SORCS2: variants seen among roughly 807,000 people sequenced by gnomAD.
SORCS2 encodes the protein sortilin related VPS10 domain containing receptor 2.
SORCS2 carries 100 observed loss-of-function variants against 141.6 expected under a neutral mutation model. That is an observed-to-expected ratio of 0.71 (90% CI 0.60 to 0.83). The LOEUF (loss-of-function observed/expected upper bound fraction) is 0.83, where lower values mean the gene tolerates loss of function less well. Among genes scored for constraint, SORCS2 ranks in the 40% least tolerant of loss-of-function variants. The pLI is 0.00. For synonymous variants in SORCS2, 789 were observed against 676.9 expected, an observed-to-expected ratio of 1.17 and a Z score of -2.57; for missense variants, 1,646 against 1,560.2, an observed-to-expected ratio of 1.05 and a Z score of -0.93.
intron 3 of SORCS2, among the ~76,000 whole-genome samples, chr4:7,636,738 A>C (rs993055450): frequency 1.3e-5 from 2 of 150,880 alleles, no homozygotes; most frequent in Admixed American, 6.6e-5. Flanking sequence ...CTCCCTAGAG[A>C]CCTCCCAGCC....
intron 2 of SORCS2, among the ~76,000 whole-genome samples, chr4:7,401,462 G>T (rs1447757499): frequency 1.3e-5 from 2 of 152,154 alleles, no homozygotes; most frequent in East Asian, 3.9e-4. Context: ...TCATCTTAGG[G>T]GATGCTGTGG....
chr4:7,466,292 C>T (rs1019959564), intron 2 of SORCS2, among the ~76,000 whole-genome samples: 8 of 152,142 alleles, frequency 5.3e-5, no homozygotes, highest in Admixed American at 1.3e-4. Context: ...TGCCCTCCTC[C>T]AGATCTAGGA....
intron 3 of SORCS2, among the ~76,000 whole-genome samples, chr4:7,569,585 C>T (rs956804201): frequency 8.5e-5 from 13 of 152,180 alleles, no homozygotes; most frequent in Admixed American, 7.9e-4. Context: ...GCCCATTTTA[C>T]AATAGCCTAT....
chr4:7,373,458 T>TTATATATATATATATATATATATATA (rs1553850461), intron 1 of SORCS2, among the ~76,000 whole-genome samples: 3 of 82,832 alleles, frequency 3.6e-5, no homozygotes, highest in Non-Finnish European at 6.1e-5. Context: ...TGAGAAACTT[T>TTATATATATATATATATATATATATA]TATATATATA....
chr4:7,453,986 T>C (rs1368584605), intron 2 of SORCS2, among the ~76,000 whole-genome samples: 6 of 72,878 alleles, frequency 8.2e-5, no homozygotes, highest in Admixed American at 3.5e-4. Flanking sequence ...TGGGGTCAGG[T>C]GCTGTGTGTT....
intron 1 of SORCS2, among the ~76,000 whole-genome samples, chr4:7,346,636 A>T (rs953585453): frequency 3.3e-5 from 5 of 152,370 alleles, no homozygotes; most frequent in African/African-American, 1.2e-4. Flanking sequence ...AGGACACTGA[A>T]GTCTTCAACT....
intron 1 of SORCS2, among the ~76,000 whole-genome samples, chr4:7,325,852 G>A (rs1243777834): frequency 6.6e-6 from 1 of 152,134 alleles, no homozygotes; most frequent in South Asian, 2.1e-4. Flanking sequence ...TTGAGCACCA[G>A]ACATAGGCAG....
chr4:7,328,866 C>T (rs2108962089), intron 1 of SORCS2, among the ~76,000 whole-genome samples: 1 of 152,344 alleles, frequency 6.6e-6, no homozygotes, highest in East Asian at 1.9e-4. Flanking sequence ...GGATGAGCAT[C>T]CATGTCCAGC....
chr4:7,246,545 C>T (rs1713106390), intron 1 of SORCS2, among the ~76,000 whole-genome samples: 1 of 152,198 alleles, frequency 6.6e-6, no homozygotes, highest in South Asian at 2.1e-4. Flanking sequence ...ACAGATCTCA[C>T]TCAGGGCTTA....
intron 1 of SORCS2, among the ~76,000 whole-genome samples, chr4:7,299,648 G>A (rs1167227859): frequency 2.0e-5 from 3 of 152,206 alleles, no homozygotes; most frequent in African/African-American, 4.8e-5. Context: ...ATCCCTGAAA[G>A]GCTGTGCTCA....
intron 11 of SORCS2, among the ~76,000 whole-genome samples, chr4:7,689,872 A>G (rs780132886): frequency 2.8e-5 from 4 of 143,548 alleles, no homozygotes; most frequent in Non-Finnish European, 4.7e-5. Context: ...ATGATGAATG[A>G]TGGATAGGTG....
intron 12 of SORCS2, among the ~76,000 whole-genome samples, chr4:7,700,042 G>C (rs981708557): frequency 6.6e-6 from 1 of 152,096 alleles, no homozygotes; most frequent in Non-Finnish European, 1.5e-5. Flanking sequence ...GGGCCTCTCC[G>C]TGTGCCCCCA....
chr4:7,455,786 T>G (rs926065504), intron 2 of SORCS2, among the ~76,000 whole-genome samples: 2 of 151,490 alleles, frequency 1.3e-5, no homozygotes, highest in African/African-American at 4.9e-5. Context: ...TGAGCCACTT[T>G]AGGGTCAGAC....
chr4:7,304,470 C>T (rs543671207), intron 1 of SORCS2, among the ~76,000 whole-genome samples: 2 of 152,290 alleles, frequency 1.3e-5, no homozygotes, highest in East Asian at 1.9e-4. Flanking sequence ...GGTGGGTCGG[C>T]GGCCCTCCTG....
At chr4:7,262,428 A>G (rs1454084161) in intron 1 of SORCS2, among the ~76,000 whole-genome samples, 1 of 122,006 alleles carries the variant, frequency 8.2e-6, no homozygotes, top group African/African-American at 3.1e-5. Flanking sequence ...CCATCCATCC[A>G]TCCATGGCCT....
intron 11 of SORCS2, among the ~76,000 whole-genome samples, chr4:7,692,597 C>G (rs1177338525): frequency 1.3e-5 from 2 of 152,178 alleles, no homozygotes; most frequent in Non-Finnish European, 2.9e-5. Flanking sequence ...AATGAAGGAG[C>G]TAAGACTCAG....
chr4:7,652,867 T>C (rs756333285), intron 4 of SORCS2, among the ~76,000 whole-genome samples: 1 of 152,228 alleles, frequency 6.6e-6, no homozygotes, highest in South Asian at 2.1e-4. Context: ...CAGGGTGCAG[T>C]GCAAAGTGAA....
intron 2 of SORCS2, among the ~76,000 whole-genome samples, chr4:7,497,278 G>A (rs1354022884): frequency 6.6e-6 from 1 of 152,218 alleles, no homozygotes; most frequent in Non-Finnish European, 1.5e-5. Context: ...GGCCTCCCCT[G>A]AGGAGGGCCT....
At chr4:7,479,119 A>G (rs11939661) in intron 2 of SORCS2, among the ~76,000 whole-genome samples, 11,926 of 151,648 alleles carry the variant, frequency 0.079, 484 homozygotes, top group African/African-American at 0.093. Context: ...AAAGGGAGAA[A>G]GGCACACAGG....
Sources: allele counts gnomAD v4.1 joint callset (sites outside exome capture counted in the v4.1 genomes callset), GRCh38; gene constraint gnomAD v4.1.1; transcripts MANE v1.5; gene names NCBI Gene and HGNC (gene_info 2026-07-23, HGNC 2026-07-21).